Variants in SPOCK3 observed in about 807,000 individuals in gnomAD.
SPOCK3 encodes the protein SPARC (osteonectin), cwcv and kazal like domains proteoglycan 3, also known as testican-3.
In SPOCK3, 30 loss-of-function variants were observed where a neutral mutation model predicts 56.6. The ratio of observed to expected loss-of-function variants is 0.53; its 90% confidence interval spans 0.40 to 0.72. The LOEUF (loss-of-function observed/expected upper bound fraction) is 0.72. Among genes scored for constraint, SPOCK3 ranks in the 30% least tolerant of loss-of-function variants. SPOCK3 has a pLI of 0.00. For synonymous variants in SPOCK3, 196 were observed against 183.3 expected (o/e 1.07, Z -0.56); for missense variants, 527 against 530.0 (o/e 0.99, Z 0.06).
rs142580216 is a variant in SPOCK3 at position 166,928,086 on chromosome 4, G to C, written c.351-15343C>G. On this transcript the variant is annotated intron_variant, in intron 4 of 10. Coordinates refer to ENST00000357545, the MANE Select transcript of SPOCK3 (RefSeq NM_001040159.2). ...AGAACGCTGACAACACCAAAAGCTG[G>C]GGATAATGTGGCACTATAGAGACTC... is the stretch of plus-strand genomic sequence containing the variant. Among the ~76,000 whole-genome samples, 81 of 152,250 alleles carry C rather than the reference G, an allele frequency of 5.3e-4. 1 individual carries two copies. In the East Asian group the frequency reaches 0.015, roughly 28 times the overall value.
intron 6 of SPOCK3, among the ~76,000 whole-genome samples, chr4:166,825,366 C>T (rs1373457209): frequency 6.6e-6 from 1 of 152,022 alleles, no homozygotes; most frequent in Admixed American, 6.6e-5. Flanking sequence ...CTTATCTATA[C>T]TCATCTGAAA....
chr4:167,015,162 A>G (rs1426921665), intron 3 of SPOCK3, among the ~76,000 whole-genome samples: 1 of 152,072 alleles, frequency 6.6e-6, no homozygotes, highest in Non-Finnish European at 1.5e-5. Flanking sequence ...TAGATAGATA[A>G]AACTAATTTT....
chr4:167,226,248 C>T (rs1736582336), intron 2 of SPOCK3, among the ~76,000 whole-genome samples: 1 of 152,104 alleles, frequency 6.6e-6, no homozygotes, highest in South Asian at 2.1e-4. Flanking sequence ...TTGGTTTTGA[C>T]CTTCAAAATT....
chr4:167,197,274 G>A (rs998051232), intron 2 of SPOCK3, among the ~76,000 whole-genome samples: 3 of 152,064 alleles, frequency 2.0e-5, no homozygotes, highest in Non-Finnish European at 2.9e-5. Context: ...ATGCAGAATT[G>A]TGCACAGTTG....
chr4:167,062,585 G>A (rs571508187), intron 2 of SPOCK3, 48 bp from the exon 3 acceptor site: 32 of 1,412,574 alleles, frequency 2.3e-5, no homozygotes, highest in South Asian at 1.5e-4. Flanking sequence ...TAATTAAAAC[G>A]CAAGGGTTCA....
At chr4:167,028,113 TTGAG>T (rs1307965684) in intron 3 of SPOCK3, among the ~76,000 whole-genome samples, 1 of 151,984 alleles carries the variant, frequency 6.6e-6, no homozygotes, top group Admixed American at 6.6e-5. Context: ...TTCTTTTTAA[TTGAG>T]TAAAATTTTG....
At chr4:167,122,622 A>G (rs1761960616) in intron 2 of SPOCK3, among the ~76,000 whole-genome samples, 1 of 152,208 alleles carries the variant, frequency 6.6e-6, no homozygotes, top group Non-Finnish European at 1.5e-5. Context: ...TCTGATGAAT[A>G]TAATACAACA....
At chr4:166,977,824 TAAG>T (rs1245889788) in intron 4 of SPOCK3, among the ~76,000 whole-genome samples, 2 of 152,180 alleles carry the variant, frequency 1.3e-5, no homozygotes, top group African/African-American at 4.8e-5. Flanking sequence ...TCTTCTCTTT[TAAG>T]AAGAAAGATG....
At chr4:167,230,142 A>G (rs902938753) in intron 2 of SPOCK3, among the ~76,000 whole-genome samples, 2 of 151,270 alleles carry the variant, frequency 1.3e-5, no homozygotes, top group Non-Finnish European at 3.0e-5. Context: ...GTCATTCCTA[A>G]TTAATTTATG....
intron 4 of SPOCK3, among the ~76,000 whole-genome samples, chr4:166,943,298 T>C (rs529087912): frequency 2.2e-4 from 33 of 152,168 alleles, no homozygotes; most frequent in Non-Finnish European, 3.8e-4. Context: ...CGGCCACTCA[T>C]AGCTACTGGT....
chr4:167,149,008 T>C (rs958839157), intron 2 of SPOCK3, among the ~76,000 whole-genome samples: 9 of 152,144 alleles, frequency 5.9e-5, no homozygotes, highest in African/African-American at 1.9e-4. Context: ...TTTGAATATC[T>C]ATCATATAAA....
chr4:166,899,511 T>TC (rs201198102), intron 5 of SPOCK3, among the ~76,000 whole-genome samples: 1 of 144,116 alleles, frequency 6.9e-6, no homozygotes, highest in South Asian at 2.2e-4. Flanking sequence ...TTTCTTTCTT[T>TC]TTTTTTTTTT....
chr4:166,943,325 G>T (rs1168280818), intron 4 of SPOCK3, among the ~76,000 whole-genome samples: 1 of 152,092 alleles, frequency 6.6e-6, no homozygotes, highest in Non-Finnish European at 1.5e-5. Flanking sequence ...CATTTCTTTG[G>T]GAGTCCCCAG....
intron 2 of SPOCK3, among the ~76,000 whole-genome samples, chr4:167,174,188 A>G (rs906141543): frequency 6.6e-6 from 1 of 152,126 alleles, no homozygotes; most frequent in African/African-American, 2.4e-5. Context: ...CAGTCATAAG[A>G]TATTATATTA....
intron 7 of SPOCK3, among the ~76,000 whole-genome samples, chr4:166,772,834 C>G (rs1164574353): frequency 1.3e-5 from 2 of 152,076 alleles, no homozygotes; most frequent in African/African-American, 4.8e-5. Context: ...CTCTGTCACC[C>G]AGGCTGGATG....
chr4:167,001,169 C>T (rs181086600), intron 3 of SPOCK3, among the ~76,000 whole-genome samples: 2 of 152,236 alleles, frequency 1.3e-5, no homozygotes, highest in African/African-American at 2.4e-5. Flanking sequence ...AAGTTTACAA[C>T]CAATATTTTT....
At chr4:166,997,482 T>C (rs968048157) in intron 4 of SPOCK3, among the ~76,000 whole-genome samples, 5 of 152,270 alleles carry the variant, frequency 3.3e-5, no homozygotes, top group African/African-American at 1.2e-4. Context: ...TGTTTAAACC[T>C]AGATTATCTA....
At chr4:166,948,889 T>A (rs924999077) in intron 4 of SPOCK3, among the ~76,000 whole-genome samples, 2 of 152,152 alleles carry the variant, frequency 1.3e-5, no homozygotes, top group African/African-American at 4.8e-5. Context: ...AATGTTGGCC[T>A]GCCTTGCTAG....
intron 8 of SPOCK3, among the ~76,000 whole-genome samples, chr4:166,746,039 G>A (rs1043015933): frequency 6.6e-6 from 1 of 152,064 alleles, no homozygotes; most frequent in South Asian, 2.1e-4. Flanking sequence ...ATAATAATGG[G>A]AGACTTTAAC....
Sources: gnomAD v4.1 joint callset for allele counts (sites outside exome capture counted in the v4.1 genomes callset) on GRCh38, gnomAD v4.1.1 for gene constraint, MANE v1.5 for transcripts, NCBI Gene and HGNC (gene_info 2026-07-23, HGNC 2026-07-21) for gene names.